Variants in CPQ observed in about 807,000 individuals in gnomAD.
CPQ encodes the protein Ser-Met dipeptidase.
In CPQ, 37 loss-of-function variants were observed where a neutral mutation model predicts 45.7. The ratio of observed to expected loss-of-function variants is 0.81; its 90% CI spans 0.62 to 1.07. The LOEUF (loss-of-function observed/expected upper bound fraction) is 1.07. Among genes scored for constraint, CPQ ranks in the 50% least tolerant of loss-of-function variants. CPQ has a pLI of 0.00. For missense variants in CPQ, 537 were observed against 572.9 expected (o/e 0.94, Z 0.64); for synonymous variants, 186 against 205.8 (o/e 0.90, Z 0.82).
chr8:97,063,799 G>A (rs1413037654), intron 6 of CPQ, among the ~76,000 whole-genome samples: 1 of 151,630 alleles, frequency 6.6e-6, no homozygotes, highest in Non-Finnish European at 1.5e-5. Context: ...TTATTTCTGG[G>A]CTCCCTACTC....
At chr8:96,826,099 AT>A (rs1811375838) in intron 2 of CPQ, among the ~76,000 whole-genome samples, 1 of 152,080 alleles carries the variant, frequency 6.6e-6, no homozygotes, top group Non-Finnish European at 1.5e-5. Flanking sequence ...AAAGCTGCCA[AT>A]ACTGTATTTT....
At chr8:96,952,161 T>C (rs1247541547) in intron 4 of CPQ, among the ~76,000 whole-genome samples, 3 of 152,068 alleles carry the variant, frequency 2.0e-5, no homozygotes, top group Non-Finnish European at 2.9e-5. Context: ...CATACTCAAA[T>C]AAAAGGTCAT....
chr8:96,991,721 A>G (rs1194583950), intron 5 of CPQ, among the ~76,000 whole-genome samples: 1 of 152,130 alleles, frequency 6.6e-6, no homozygotes, highest in African/African-American at 2.4e-5. Flanking sequence ...CCAGAACCCT[A>G]GTAGGACATG....
chr8:96,898,801 G>C (rs1041214694), intron 4 of CPQ, among the ~76,000 whole-genome samples: 7 of 143,862 alleles, frequency 4.9e-5, no homozygotes, highest in Non-Finnish European at 9.0e-5. Flanking sequence ...AAAGTCAATA[G>C]TACTGCAGAA....
At chr8:97,056,186 G>A (rs896332358) in intron 6 of CPQ, among the ~76,000 whole-genome samples, 1 of 152,098 alleles carries the variant, frequency 6.6e-6, no homozygotes, top group Non-Finnish European at 1.5e-5. Context: ...GCAGCAATAG[G>A]AAACTAATAC....
At chr8:96,878,166 C>T (rs1812173077) in intron 3 of CPQ, among the ~76,000 whole-genome samples, 1 of 152,062 alleles carries the variant, frequency 6.6e-6, no homozygotes, top group Admixed American at 6.5e-5. Flanking sequence ...TGGGGTTTCC[C>T]CATGTTGGCC....
intron 7 of CPQ, among the ~76,000 whole-genome samples, chr8:97,091,297 G>A (rs1413955655): frequency 6.6e-6 from 1 of 152,166 alleles, no homozygotes; most frequent in Non-Finnish European, 1.5e-5. Flanking sequence ...ATATTTTGTG[G>A]TTTGCCAGTG....
intron 5 of CPQ, among the ~76,000 whole-genome samples, chr8:97,023,016 T>TAGTATATATATACTATATAC (rs1563557105): frequency 1.5e-5 from 2 of 133,656 alleles, no homozygotes; most frequent in South Asian, 4.5e-4. Flanking sequence ...ATACTATATA[T>TAGTATATATATACTATATAC]AGTATATATA....
At chr8:96,663,816 C>G (rs1808885821) in intron 1 of CPQ, among the ~76,000 whole-genome samples, 1 of 151,880 alleles carries the variant, frequency 6.6e-6, no homozygotes, top group South Asian at 2.1e-4. Context: ...TGATAAGTCT[C>G]TGTGACTGGA....
intron 1 of CPQ, among the ~76,000 whole-genome samples, chr8:96,670,323 T>G (rs77288725): frequency 2.7e-5 from 4 of 149,738 alleles, no homozygotes; most frequent in Non-Finnish European, 6.0e-5. Context: ...TTTTTTTTTT[T>G]TTTTTTTTTT....
Position 96,893,084 on chromosome 8 carries a change from T to C in CPQ, c.849+13079T>C, listed in dbSNP as rs537396402. On this transcript the variant is annotated intron_variant, in intron 4 of 7. Transcript: ENST00000220763. ...AATGCTGTTATATCCATATAACAGA[T>C]GAAGAAACGAAGGCTTAGAGAGGTC... 1.1e-3 allele frequency among the ~76,000 whole-genome samples: 162 copies of C among 152,302 alleles called. 2 individuals are homozygous for C. In the South Asian group the frequency reaches 0.013, roughly 12 times the overall value.
At position 96,960,114 on chromosome 8, in the gene CPQ, G is replaced by A. The variant is rs144664369; in HGVS notation, c.850-5821G>A. 4.8e-3 allele frequency among the ~76,000 whole-genome samples: 737 copies of A among 152,212 alleles called. 8 individuals carry two copies. The highest frequency in any genetic ancestry group is 0.017 in the African/African-American group (704 of 41,542). On this transcript the variant is annotated intron_variant, in intron 4 of 7. Transcript: ENST00000220763. The stretch of plus-strand genomic sequence containing the variant: ...CTAAGCATGCCAAGAAAATAAGTAT[G>A]ACTCAAAAGTGGCCCTTTCTTAGTA...
intron 4 of CPQ, among the ~76,000 whole-genome samples, chr8:96,888,085 TC>T (rs1812326905): frequency 6.6e-6 from 1 of 152,160 alleles, no homozygotes; most frequent in Admixed American, 6.5e-5. Context: ...TAGGGGGCTG[TC>T]CCGTGCATTG....
At chr8:96,811,140 A>T (rs1368375761) in intron 2 of CPQ, among the ~76,000 whole-genome samples, 2 of 152,204 alleles carry the variant, frequency 1.3e-5, no homozygotes, top group African/African-American at 4.8e-5. Flanking sequence ...TTGGAACTTC[A>T]TAAGAATCAA....
intron 2 of CPQ, among the ~76,000 whole-genome samples, chr8:96,824,981 C>T (rs969504277): frequency 1.3e-5 from 2 of 152,016 alleles, no homozygotes. Context: ...GGGACATCCC[C>T]TGTGGTGGCC....
chr8:96,792,870 C>T (rs1356514279), intron 2 of CPQ, among the ~76,000 whole-genome samples: 1 of 152,190 alleles, frequency 6.6e-6, no homozygotes, highest in East Asian at 1.9e-4. Flanking sequence ...CACAGTTCCA[C>T]ATGGCTGGGG....
chr8:96,816,925 T>C (rs746144091), intron 2 of CPQ, among the ~76,000 whole-genome samples: 1 of 152,152 alleles, frequency 6.6e-6, no homozygotes, highest in Non-Finnish European at 1.5e-5. Flanking sequence ...GGCTTTGTTG[T>C]TTCATTTATA....
chr8:96,890,589 A>T (rs555314629), intron 4 of CPQ, among the ~76,000 whole-genome samples: 1 of 152,282 alleles, frequency 6.6e-6, no homozygotes, highest in East Asian at 1.9e-4. Context: ...TACCTCCATT[A>T]TGGGATAATA....
chr8:96,959,574 C>T (rs923379609), intron 4 of CPQ, among the ~76,000 whole-genome samples: 1 of 152,110 alleles, frequency 6.6e-6, no homozygotes, highest in Non-Finnish European at 1.5e-5. Context: ...GCCTGGCTTC[C>T]TTTGCACTTT....
Sources: gnomAD v4.1 joint callset for allele counts (sites outside exome capture counted in the v4.1 genomes callset) on GRCh38, gnomAD v4.1.1 for gene constraint, MANE v1.5 for transcripts, NCBI Gene and HGNC (gene_info 2026-07-23, HGNC 2026-07-21) for gene names.